The following ZBED4 variants were observed in gnomAD, a reference collection of about 807,000 sequenced individuals.
ZBED4 encodes the protein zinc finger BED domain-containing protein 4.
Under a neutral mutation model 15.5 loss-of-function variants are expected in ZBED4, and 4 were observed. That is an observed-to-expected ratio of 0.26 (90% CI 0.13 to 0.59). The LOEUF is 0.59. Among genes scored for constraint, ZBED4 ranks in the 20% least tolerant of loss-of-function variants. The pLI is 0.90. For missense variants in ZBED4, 1,323 were observed against 1,461.8 expected, an observed-to-expected ratio of 0.91 and a Z score of 1.55; for synonymous variants, 692 against 608.5, an observed-to-expected ratio of 1.14 and a Z score of -2.02.
Position 49,885,763 on chromosome 22 carries a change from T to G in ZBED4, c.2101T>G (p.Ser701Ala). The G allele has an allele frequency of 6.2e-7, 1 of 1,605,582 alleles. No individual in the cohort carries two copies. Among genetic ancestry groups the G allele is most frequent in the Non-Finnish European group, 8.5e-7 (1 of 1,174,518 alleles). ...CTCCCTCCCCGCCCCTTCCTACTTC[T>G]CCAGGACAGCTATCCCAGGTATGTA... ...QYSLPAPSYFSRTAIPGMYDN... is the reference protein window; with the variant it reads ...QYSLPAPSYFARTAIPGMYDN... Residue 701 changes from serine (S) to alanine (A), a missense_variant, in exon 2 of 2, where the codon TCC (serine) becomes GCC (alanine). Coordinates refer to ENST00000216268, the MANE Select transcript of ZBED4 (RefSeq NM_014838.3).
At chr22:49,871,758 T>TTTATTTA (rs71196386) in intron 1 of ZBED4, among the ~76,000 whole-genome samples, 6 of 119,772 alleles carry the variant, frequency 5.0e-5, no homozygotes, top group Non-Finnish European at 9.8e-5. Flanking sequence ...TATTTATTTA[T>TTTATTTA]TTTTTTTTTT....
rs146825537 is a variant in ZBED4, at chr22:49,886,761, C to G, written c.3099C>G (p.Leu1033=). The change falls in exon 2 of 2, where the codon CTC becomes CTG. Residue 1033 remains leucine (L), a synonymous_variant. Transcript: ENST00000216268. The surrounding 1 kb of genome is among the most constrained non-coding windows in gnomAD (Gnocchi z 7.7). ...ACAAACAGGATTTAATCAGGGAACT[C>G]GAACTCATGAATTCTACCTCAGAGG... ...EQYKQDLIRE[L]ELMNSTSEDV... 6.2e-6 allele frequency: 10 copies of G among 1,612,204 alleles called. No individual in the cohort carries two copies. The highest frequency in any genetic ancestry group is 8.5e-6 in the Non-Finnish European group (10 of 1,179,170).
intron 1 of ZBED4, among the ~76,000 whole-genome samples, chr22:49,869,946 C>T (rs961667017): frequency 6.6e-5 from 10 of 152,152 alleles, no homozygotes; most frequent in Admixed American, 6.6e-4. Flanking sequence ...GGTTGTTTTT[C>T]AGTCTTGTCC....
intron 1 of ZBED4, among the ~76,000 whole-genome samples, chr22:49,857,043 C>A (rs1268867990): frequency 6.6e-6 from 1 of 152,172 alleles, no homozygotes; most frequent in African/African-American, 2.4e-5. Context: ...GGACCTGGCC[C>A]CCCGCCCTTC....
intron 1 of ZBED4, among the ~76,000 whole-genome samples, chr22:49,859,279 G>A (rs1428941266): frequency 1.3e-5 from 2 of 152,080 alleles, no homozygotes; most frequent in Non-Finnish European, 2.9e-5. Context: ...ACACCTCTGT[G>A]GGGGCAAATT....
chr22:49,863,965 T>C (rs769619386), intron 1 of ZBED4, among the ~76,000 whole-genome samples: 17 of 152,236 alleles, frequency 1.1e-4, no homozygotes, highest in Non-Finnish European at 2.1e-4. Context: ...TCCTGAACTC[T>C]CTCAGAGGTT....
At chr22:49,862,432 A>G (rs779311409) in intron 1 of ZBED4, among the ~76,000 whole-genome samples, 5 of 152,144 alleles carry the variant, frequency 3.3e-5, no homozygotes, top group Non-Finnish European at 7.3e-5. Flanking sequence ...GTGTTTTTAA[A>G]CCTTTTTTAT....
At position 49,884,091 on chromosome 22, in the gene ZBED4, C is replaced by A; in HGVS notation, c.429C>A (p.Phe143Leu). The A allele has an allele frequency of 6.2e-7, 1 of 1,612,674 alleles. No individual in the cohort carries two copies. Reference sequence around the variant, plus strand: ...TATGCATGTACTGTGTGAAGGAGTTCAGCAGAGGCAAAAACGAGAAAGACT... The same window carrying A: ...TATGCATGTACTGTGTGAAGGAGTTAAGCAGAGGCAAAAACGAGAAAGACT... ...KAICMYCVKE[F>L]SRGKNEKDLS... Residue 143 changes from phenylalanine to leucine, a missense_variant, in exon 2 of 2, where the codon TTC becomes TTA. Around this residue, in one of 6 missense-constraint regions of ZBED4, gnomAD observed 380 missense variants for 413.7 expected, o/e 0.92. Transcript: ENST00000216268.
Position 49,871,709 on chromosome 22 carries a change from G to A in ZBED4, c.-329-11625G>A, listed in dbSNP as rs78652251. On this transcript the variant is annotated intron_variant, in intron 1 of 1. Transcript: ENST00000216268. ...GTGCAGATTGCTGACCAATCAGAGT[G>A]CAGATTGCTGAAGGGTGGGGTGGCT... 8.5e-3 allele frequency among the ~76,000 whole-genome samples: 1,295 copies of A among 151,792 alleles called. 16 individuals carry two copies. The highest frequency in any genetic ancestry group is 0.068 in the South Asian group (325 of 4,782).
chr22:49,888,241 GA>G lies in ZBED4; in HGVS notation c.*1070del, dbSNP rs1271495140. On this transcript the variant is annotated 3_prime_UTR_variant, in exon 2 of 2. Transcript: ENST00000216268. ...TGATTTTAAAAGTTATGTCTTCAGA[GA>G]AAAAAAGATTCATTTTCTCATTTTA... 6.0e-6 allele frequency: 1 copy of G among 166,918 alleles called. No homozygotes were observed. Among genetic ancestry groups the G allele is most frequent in the Non-Finnish European group, 1.5e-5 (1 of 68,082 alleles). 10.3% of individuals were successfully genotyped at this position (166,918 alleles called of 1,614,324 possible). A position where few individuals can be genotyped will look rare whatever the true frequency, so the allele number is the denominator to read the frequency against.
chr22:49,886,326 C>T lies in ZBED4; in HGVS notation c.2664C>T (p.Val888=), dbSNP rs771924311. 1.6e-5 allele frequency: 26 copies of T among 1,590,186 alleles called. No individual in the cohort carries two copies. In the South Asian group the frequency reaches 2.7e-4, roughly 16 times the overall value. ...ALPQHHLIQD[V]PSKWSTSFHM... ...CTCAGCATCACCTCATCCAGGACGTCCCGTCCAAGTGGAGCACTTCCTTCC... is the reference window on the plus strand; with the variant it reads ...CTCAGCATCACCTCATCCAGGACGTTCCGTCCAAGTGGAGCACTTCCTTCC... The change falls in exon 2 of 2, where the codon GTC becomes GTT. Residue 888 remains valine, a synonymous_variant. Transcript: ENST00000216268. The surrounding 1 kb of genome is among the most constrained non-coding windows in gnomAD (Gnocchi z 7.7).
chr22:49,884,833 G>A lies in ZBED4; in HGVS notation c.1171G>A (p.Asp391Asn). The A allele has an allele frequency of 6.2e-7, 1 of 1,610,724 alleles. No individual in the cohort carries two copies. The highest frequency in any genetic ancestry group is 8.5e-7 in the Non-Finnish European group (1 of 1,177,536). ...RESPSASSSP[D>N]RLTEDLQSHL... Reference sequence around the variant, plus strand: ...GTCCCCTTCGGCCTCCTCCTCCCCTGACAGGCTGACTGAGGACTTGCAGTC... The same window carrying A: ...GTCCCCTTCGGCCTCCTCCTCCCCTAACAGGCTGACTGAGGACTTGCAGTC... The change falls in exon 2 of 2, where the codon GAC (aspartate) becomes AAC (asparagine). Residue 391 changes from aspartate (D) to asparagine (N), a missense_variant. Physicochemically the swap from Asp to Asn is conservative, Grantham distance 23. Transcript: ENST00000216268.
upstream of ZBED4, chr22:49,853,147 G>C (rs1465877755): frequency 2.0e-5 from 3 of 152,318 alleles, no homozygotes; most frequent in African/African-American, 7.2e-5. Flanking sequence ...TATTTGGTCT[G>C]CTCAAACATT....
At position 49,884,737 on chromosome 22, in the gene ZBED4, C is replaced by T; in HGVS notation, c.1075C>T (p.Leu359=). The T allele has an allele frequency of 6.3e-7, 1 of 1,593,586 alleles. No individual in the cohort carries two copies. The highest frequency in any genetic ancestry group is 8.6e-7 in the Non-Finnish European group (1 of 1,167,670). ...ACTGTACTCCACCCCTCCCACTCTG[C>T]TGCCTTCCTTGCTGCCGCCGGAGGG... The part of the protein sequence containing the change: ...PPLYSTPPTL[L]PSLLPPEGEL... The change falls in exon 2 of 2, where the codon CTG becomes TTG. Residue 359 remains leucine, a synonymous_variant. Coordinates refer to ENST00000216268, the MANE Select transcript of ZBED4 (RefSeq NM_014838.3).
At position 49,875,857 on chromosome 22, in the gene ZBED4, T is replaced by C. The variant is rs199752733; in HGVS notation, c.-329-7477T>C. ...GTAGTGGTAAATTCTGTCTTCTCCATTTTTTTCTCTAATCAATATTTGTAG... is the reference window on the plus strand; with the variant it reads ...GTAGTGGTAAATTCTGTCTTCTCCACTTTTTTCTCTAATCAATATTTGTAG... On this transcript the variant is annotated intron_variant, in intron 1 of 1. Coordinates refer to ENST00000216268, the MANE Select transcript of ZBED4 (RefSeq NM_014838.3). Among the ~76,000 whole-genome samples, 48 of 152,216 alleles carry C rather than the reference T, an allele frequency of 3.2e-4. No individual in the cohort carries two copies. In the East Asian group the frequency reaches 7.7e-3, roughly 24 times the overall value.
At chr22:49,880,977 A>G (rs992672526) in intron 1 of ZBED4, among the ~76,000 whole-genome samples, 2 of 152,248 alleles carry the variant, frequency 1.3e-5, no homozygotes, top group South Asian at 4.1e-4. Flanking sequence ...TACTAAAACA[A>G]GCATATTTTA....
chr22:49,862,151 T>C (rs896226067), intron 1 of ZBED4, among the ~76,000 whole-genome samples: 1 of 152,236 alleles, frequency 6.6e-6, no homozygotes, highest in African/African-American at 2.4e-5. Context: ...GCAGTTGAGA[T>C]CATTGAATGC....
Position 49,884,742 on chromosome 22 carries a change from T to C in ZBED4, c.1080T>C (p.Pro360=), listed in dbSNP as rs1569164753. Residue 360 remains proline, a synonymous_variant, in exon 2 of 2, where the codon CCT becomes CCC. Transcript: ENST00000216268. ...ACTCCACCCCTCCCACTCTGCTGCC[T>C]TCCTTGCTGCCGCCGGAGGGGGAGC... is the stretch of plus-strand genomic sequence containing the variant. ...PLYSTPPTLL[P]SLLPPEGELS... is the part of the protein sequence containing the mutation. 6.3e-7 allele frequency: 1 copy of C among 1,594,090 alleles called. No individual in the cohort carries two copies. Among genetic ancestry groups the C allele is most frequent in the Admixed American group, 1.7e-5 (1 of 58,450 alleles).
intron 1 of ZBED4, among the ~76,000 whole-genome samples, chr22:49,877,764 G>A (rs1051982909): frequency 6.6e-6 from 1 of 152,020 alleles, no homozygotes; most frequent in Non-Finnish European, 1.5e-5. Context: ...CCATCCTGCA[G>A]GTGGCATGGA....
Sources: gnomAD v4.1 joint callset for allele counts (sites outside exome capture counted in the v4.1 genomes callset) on GRCh38, gnomAD v4.1.1 for gene constraint, gnomAD v4.1.1 regional missense constraint, Gnocchi (gnomAD v3.1) non-coding constraint, MANE v1.5 for transcripts, NCBI Gene and HGNC (gene_info 2026-07-23, HGNC 2026-07-21) for gene names.